TCF12: variants seen among roughly 807,000 people sequenced by gnomAD.
TCF12 encodes DNA-binding protein HTF4.
TCF12 carries 45 observed loss-of-function variants against 86.0 expected under a neutral mutation model. The ratio of observed to expected loss-of-function variants is 0.52; its 90% CI spans 0.41 to 0.67. TCF12 has a LOEUF of 0.67. Among genes scored for constraint, TCF12 ranks in the 30% least tolerant of loss-of-function variants. The probability of loss-of-function intolerance (pLI) is 0.00; values close to 1 mark genes in which losing one functional copy is unlikely to be tolerated. For synonymous variants in TCF12, 330 were observed against 299.6 expected, an observed-to-expected ratio of 1.10 and a Z score of -1.05; for missense variants, 881 against 859.9, an observed-to-expected ratio of 1.02 and a Z score of -0.31.
intron 5 of TCF12, among the ~76,000 whole-genome samples, chr15:57,118,957 C>T (rs183707282): frequency 1.3e-5 from 2 of 151,942 alleles, no homozygotes; most frequent in Admixed American, 1.3e-4. Context: ...TTTTTTTTCC[C>T]CCAAAGGATA....
chr15:57,119,278 G>C (rs1480853285), intron 5 of TCF12, among the ~76,000 whole-genome samples: 1 of 151,210 alleles, frequency 6.6e-6, no homozygotes, highest in African/African-American at 2.4e-5. Flanking sequence ...TTGTTTTTTT[G>C]TTTGTTTGTT....
intron 8 of TCF12, among the ~76,000 whole-genome samples, chr15:57,224,007 C>G (rs1181950349): frequency 6.6e-6 from 1 of 151,802 alleles, no homozygotes; most frequent in Non-Finnish European, 1.5e-5. Flanking sequence ...ACATTTTTCC[C>G]CTTTACCAAA....
At chr15:57,160,998 G>A (rs1258089619) in intron 5 of TCF12, among the ~76,000 whole-genome samples, 2 of 152,028 alleles carry the variant, frequency 1.3e-5, no homozygotes, top group African/African-American at 2.4e-5. Context: ...CCAGAAGCTT[G>A]TGTCTTACTC....
intron 5 of TCF12, among the ~76,000 whole-genome samples, chr15:57,127,907 TC>T (rs1237308861): frequency 6.6e-6 from 1 of 152,212 alleles, no homozygotes; most frequent in Middle Eastern, 3.2e-3. Context: ...TTAAATACTG[TC>T]CCTGGACATC....
intron 3 of TCF12, among the ~76,000 whole-genome samples, chr15:57,050,562 G>C (rs1244537654): frequency 1.3e-5 from 2 of 152,100 alleles, no homozygotes; most frequent in African/African-American, 4.8e-5. Flanking sequence ...CTTAGAGACT[G>C]CCGAGTTCAT....
intron 3 of TCF12, among the ~76,000 whole-genome samples, chr15:56,965,251 T>C (rs2543681): frequency 0.058 from 8,856 of 152,178 alleles, 719 homozygotes; most frequent in East Asian, 0.29. Context: ...TATTTTTTTT[T>C]CCCAAGAAGT....
Position 57,114,425 on chromosome 15 carries a change from G to A in TCF12, c.325+22534G>A, listed in dbSNP as rs369933810. On this transcript the variant is annotated intron_variant, in intron 5 of 20. Transcript: ENST00000333725. ...ACCACCTCAGCCCCCCAAGTAGTCG[G>A]GAGTACAGGTGCACACCACCACACC... Among the ~76,000 whole-genome samples, 5 of 152,000 alleles carry A rather than the reference G, an allele frequency of 3.3e-5. No individual in the cohort carries two copies. In the East Asian group the frequency reaches 9.6e-4, roughly 29 times the overall value.
At chr15:57,154,275 G>A (rs569156088) in intron 5 of TCF12, among the ~76,000 whole-genome samples, 3 of 152,224 alleles carry the variant, frequency 2.0e-5, no homozygotes, top group East Asian at 3.9e-4. Flanking sequence ...CTTAACATCT[G>A]TTTACACACT....
chr15:57,130,791 A>G (rs903214931), intron 5 of TCF12, among the ~76,000 whole-genome samples: 2 of 152,222 alleles, frequency 1.3e-5, no homozygotes, highest in Non-Finnish European at 2.9e-5. Context: ...AGTACTACAT[A>G]TATTAGCTCA....
intron 5 of TCF12, among the ~76,000 whole-genome samples, chr15:57,101,092 C>T (rs1391416756): frequency 2.6e-5 from 4 of 152,036 alleles, no homozygotes; most frequent in African/African-American, 7.2e-5. Flanking sequence ...GAAAATTCAG[C>T]CTTTGCCTTT....
chr15:56,954,798 G>A (rs1346602728), intron 3 of TCF12, among the ~76,000 whole-genome samples: 1 of 152,204 alleles, frequency 6.6e-6, no homozygotes, highest in African/African-American at 2.4e-5. Flanking sequence ...TATCTGTGCA[G>A]CTAACAGACA....
intron 6 of TCF12, among the ~76,000 whole-genome samples, chr15:57,188,389 A>G (rs1358518808): frequency 6.6e-6 from 1 of 152,210 alleles, no homozygotes; most frequent in Non-Finnish European, 1.5e-5. Flanking sequence ...TTAAGATGTC[A>G]GTATTCCCCA....
chr15:57,165,539 A>AT (rs200604360), intron 5 of TCF12, among the ~76,000 whole-genome samples: 27,105 of 144,538 alleles, frequency 0.19, 3,098 homozygotes, highest in Non-Finnish European at 0.25. Context: ...TACTGTATTA[A>AT]TTTTTTTTTT....
At chr15:56,926,083 A>T (rs1037349992) in intron 3 of TCF12, among the ~76,000 whole-genome samples, 2 of 152,214 alleles carry the variant, frequency 1.3e-5, no homozygotes, top group African/African-American at 2.4e-5. Flanking sequence ...AGGCTGAGGC[A>T]GGCAGATCAC....
chr15:57,049,983 G>T (rs1419876581), intron 3 of TCF12, among the ~76,000 whole-genome samples: 5 of 151,998 alleles, frequency 3.3e-5, no homozygotes, highest in African/African-American at 2.4e-5. Flanking sequence ...TTTTTAGCTG[G>T]ACCTCCTTCA....
In TCF12 at chr15:57,277,491, G is replaced by C. The variant is rs181476812; in HGVS notation, c.1978+4229G>C. On this transcript the variant is annotated intron_variant, in intron 19 of 20. Transcript: ENST00000333725. ...TAAAAATACAAAAATTAGCTGGGTG[G>C]GGTGGCGTGCGCAAGTAGTCCCAGC... Among the ~76,000 whole-genome samples, 202 of 151,826 alleles carry C rather than the reference G, an allele frequency of 1.3e-3. 5 individuals carry two copies. The East Asian group carries it at 0.024, about 18-fold the overall frequency.
chr15:57,043,296 G>A (rs540360429), intron 3 of TCF12, among the ~76,000 whole-genome samples: 1 of 152,202 alleles, frequency 6.6e-6, no homozygotes, highest in Admixed American at 6.5e-5. Flanking sequence ...TTTTGGATAA[G>A]TATCCAGAAG....
chr15:57,260,549 A>AG (rs1189676978), intron 16 of TCF12, among the ~76,000 whole-genome samples: 1 of 152,196 alleles, frequency 6.6e-6, no homozygotes, highest in Admixed American at 6.5e-5. Context: ...ATATATTGCC[A>AG]GGGGTCATAG....
At chr15:57,285,953 C>T (rs1312862335) in intron 20 of TCF12, among the ~76,000 whole-genome samples, 2 of 152,110 alleles carry the variant, frequency 1.3e-5, no homozygotes, top group Non-Finnish European at 2.9e-5. Context: ...AAAACCTTAC[C>T]ATACACATCA....
Sources: allele counts gnomAD v4.1 joint callset (sites outside exome capture counted in the v4.1 genomes callset), GRCh38; gene constraint gnomAD v4.1.1; transcripts MANE v1.5; gene names NCBI Gene and HGNC (gene_info 2026-07-23, HGNC 2026-07-21).